The following PDK1 variants were observed in gnomAD, a reference collection of about 807,000 sequenced individuals.
PDK1 encodes [Pyruvate dehydrogenase (acetyl-transferring)] kinase isozyme 1, mitochondrial.
A neutral mutation model predicts 54.2 loss-of-function variants in PDK1; 39 were observed. The ratio of observed to expected loss-of-function variants is 0.72; its 90% CI spans 0.56 to 0.94. The LOEUF (loss-of-function observed/expected upper bound fraction) is 0.94, where lower values mean the gene tolerates loss of function less well. Among genes scored for constraint, PDK1 ranks in the 40% least tolerant of loss-of-function variants. The probability of loss-of-function intolerance (pLI) is 0.00; values close to 1 mark genes in which losing one functional copy is unlikely to be tolerated. For missense variants in PDK1, 552 were observed against 566.0 expected (o/e 0.98, Z 0.25); for synonymous variants, 221 against 207.1 (o/e 1.07, Z -0.58).
At chr2:172,648,689 C>T in the PDK1 span, among the ~76,000 whole-genome samples, 3 of 152,188 alleles carry the variant, frequency 2.0e-5, no homozygotes, top group Non-Finnish European at 4.4e-5. Context: ...GATTATATCC[C>T]GCGCCTGGCT....
At chr2:172,565,701 T>G (rs1027693705) in intron 5 of PDK1, among the ~76,000 whole-genome samples, 1 of 152,262 alleles carries the variant, frequency 6.6e-6, no homozygotes, top group Non-Finnish European at 1.5e-5. Flanking sequence ...TTGAATCATT[T>G]CACACTTTTT....
the PDK1 span, among the ~76,000 whole-genome samples, chr2:172,717,089 A>C: frequency 6.6e-6 from 1 of 152,228 alleles, no homozygotes; most frequent in Non-Finnish European, 1.5e-5. Context: ...TCCCTCCTAC[A>C]TTGTACCAGG....
At chr2:172,700,329 C>T in the PDK1 span, among the ~76,000 whole-genome samples, 9 of 146,958 alleles carry the variant, frequency 6.1e-5, no homozygotes, top group East Asian at 2.0e-4. Flanking sequence ...CCAGACGGGG[C>T]GGCCGGGCAG....
chr2:172,699,737 T>A, the PDK1 span, among the ~76,000 whole-genome samples: 6 of 151,288 alleles, frequency 4.0e-5, no homozygotes, highest in Non-Finnish European at 5.9e-5. Context: ...TTTTTTTCTT[T>A]TTCTTTTTCT....
At chr2:172,721,993 A>G in the PDK1 span, among the ~76,000 whole-genome samples, 1 of 152,236 alleles carries the variant, frequency 6.6e-6, no homozygotes, top group Non-Finnish European at 1.5e-5. Flanking sequence ...CCTTACCGTT[A>G]GCTACTGCCA....
the PDK1 span, among the ~76,000 whole-genome samples, chr2:172,707,234 G>C: frequency 6.6e-6 from 1 of 152,176 alleles, no homozygotes; most frequent in East Asian, 1.9e-4. Context: ...AGGGATGAAA[G>C]TCCTGATCTG....
chr2:172,615,588 A>T, the PDK1 span, among the ~76,000 whole-genome samples: 1 of 151,988 alleles, frequency 6.6e-6, no homozygotes, highest in African/African-American at 2.4e-5. Context: ...GCACCATTGC[A>T]CTCCAGCCTG....
At position 172,601,767 on chromosome 2, in the gene PDK1, G is replaced by C. The variant is rs930969277; in HGVS notation, c.*5798G>C. 6.6e-6 allele frequency: 1 copy of C among 152,174 alleles called. No individual in the cohort carries two copies. Among genetic ancestry groups the C allele is most frequent in the Non-Finnish European group, 1.5e-5 (1 of 68,018 alleles). 9.4% of individuals were successfully genotyped at this position (152,174 alleles called of 1,614,324 possible). On this transcript the variant is annotated 3_prime_UTR_variant, in exon 11 of 11. Coordinates refer to ENST00000282077, the MANE Select transcript of PDK1 (RefSeq NM_002610.5). ...GTGGGTGTCCCTTGATGGAGGCTTT[G>C]CAGGCTGCAGCAGAAGGGACCCTTC...
chr2:172,570,850 C>CT (rs529091195), intron 8 of PDK1, 26 bp downstream of exon 8: 105,819 of 958,486 alleles, frequency 0.11, 128 homozygotes, highest in East Asian at 0.13. Flanking sequence ...GGTTTGTTTT[C>CT]TTTTTTTTTT....
chr2:172,556,288 G>A lies in PDK1; in HGVS notation c.138G>A (p.Val46=). ...CCGAGCGCGGCGTTCCGGGCCAGGT[G>A]GACTTCTACGCGCGCTTCTCGCCGT... The part of the protein sequence containing the change: ...PASERGVPGQ[V]DFYARFSPSP... Residue 46 remains valine (V), a synonymous_variant, in exon 1 of 11, where the codon GTG becomes GTA. Transcript: ENST00000282077. The A allele has an allele frequency of 6.6e-7, 1 of 1,510,692 alleles. No homozygotes were observed. The highest frequency in any genetic ancestry group is 8.8e-7 in the Non-Finnish European group (1 of 1,135,806). The allele number at this position is 1,510,692 out of a possible 1,614,324, so 93.6% of individuals were successfully genotyped here. A position where few individuals can be genotyped will look rare whatever the true frequency, so the allele number is the denominator to read the frequency against.
chr2:172,583,750 TATATATAC>T (rs1553483163), intron 8 of PDK1, among the ~76,000 whole-genome samples: 1 of 152,122 alleles, frequency 6.6e-6, no homozygotes, highest in Non-Finnish European at 1.5e-5. Flanking sequence ...AAAGGTAATA[TATATATAC>T]TGTAACAATT....
the PDK1 span, among the ~76,000 whole-genome samples, chr2:172,688,521 T>G: frequency 6.6e-6 from 1 of 152,194 alleles, no homozygotes; most frequent in Non-Finnish European, 1.5e-5. Flanking sequence ...GGACCACTCT[T>G]GGTAGCACTT....
rs1019143760 is a variant in PDK1, at chr2:172,586,293, G to C, written c.961G>C (p.Gly321Arg). 45 of 1,610,776 alleles carry C rather than the reference G, an allele frequency of 2.8e-5. No individual in the cohort carries two copies. The highest frequency in any genetic ancestry group is 3.5e-5 in the Non-Finnish European group (41 of 1,177,186). Residue 321 changes from glycine to arginine, a missense_variant, in exon 9 of 11, where the codon GGT becomes CGT. Gly to Arg is a moderately radical substitution (Grantham distance 125). Coordinates refer to ENST00000282077, the MANE Select transcript of PDK1 (RefSeq NM_002610.5). ...DLTVKMSDRG[G>R]GVPLRKIDRL... ...CTTACCTTAGATGAGTGACCGAGGAGGTGGCGTTCCTTTGAGGAAAATTGA... is the reference window on the plus strand; with the variant it reads ...CTTACCTTAGATGAGTGACCGAGGACGTGGCGTTCCTTTGAGGAAAATTGA...
intron 2 of PDK1, among the ~76,000 whole-genome samples, chr2:172,561,043 G>C (rs1688630047): frequency 6.6e-6 from 1 of 152,210 alleles, no homozygotes. Flanking sequence ...ATGATAATCA[G>C]ATGCTATCTA....
chr2:172,660,297 C>A, the PDK1 span, among the ~76,000 whole-genome samples: 1 of 97,888 alleles, frequency 1.0e-5, no homozygotes, highest in African/African-American at 3.8e-5. Context: ...TGCTTTATCA[C>A]CCAGGCTAGA....
chr2:172,710,438 T>A, the PDK1 span, among the ~76,000 whole-genome samples: 4 of 152,216 alleles, frequency 2.6e-5, no homozygotes, highest in African/African-American at 4.8e-5. Context: ...CTAAATAACA[T>A]GCTAGTTTTA....
At chr2:172,724,105 A>C in the PDK1 span, 3 of 152,228 alleles carry the variant, frequency 2.0e-5, no homozygotes, top group African/African-American at 7.2e-5. Context: ...ATGATTCCAC[A>C]ATTTAGATTC....
chr2:172,580,808 GGTT>G (rs1210682012), intron 8 of PDK1, among the ~76,000 whole-genome samples: 2 of 152,126 alleles, frequency 1.3e-5, no homozygotes, highest in African/African-American at 4.8e-5. Flanking sequence ...GCTACAAACT[GGTT>G]GTTGTAACAT....
the PDK1 span, among the ~76,000 whole-genome samples, chr2:172,656,531 A>T: frequency 6.6e-6 from 1 of 152,156 alleles, no homozygotes; most frequent in Non-Finnish European, 1.5e-5. Flanking sequence ...GCAAAACCCA[A>T]TTAGGTTAGG....
Sources: allele counts gnomAD v4.1 joint callset (sites outside exome capture counted in the v4.1 genomes callset), GRCh38; gene constraint gnomAD v4.1.1; transcripts MANE v1.5; gene names NCBI Gene and HGNC (gene_info 2026-07-23, HGNC 2026-07-21).